Variants in SRPK2 observed in about 807,000 individuals in gnomAD.
The protein encoded by SRPK2 is SFRS protein kinase 2.
Under a neutral mutation model 90.8 loss-of-function variants are expected in SRPK2, and 21 were observed. The observed-to-expected ratio is 0.23, with a 90% confidence interval of 0.16 to 0.33. The LOEUF is 0.33. SRPK2 is among the 10% of genes least tolerant of loss of function. The pLI, the probability that SRPK2 is intolerant of heterozygous loss-of-function variation, is 1.00. For missense variants in SRPK2, 620 were observed against 869.0 expected, an observed-to-expected ratio of 0.71 and a Z score of 3.60; for synonymous variants, 288 against 311.1, an observed-to-expected ratio of 0.93 and a Z score of 0.78.
chr7:105,207,268 C>G (rs1389041218), intron 2 of SRPK2, among the ~76,000 whole-genome samples: 1 of 152,182 alleles, frequency 6.6e-6, no homozygotes, highest in Non-Finnish European at 1.5e-5. Context: ...TGGTGGGTAG[C>G]TAGGACTACA....
intron 2 of SRPK2, among the ~76,000 whole-genome samples, chr7:105,349,522 C>CAAAAAAAAAAAA (rs572686995): frequency 6.7e-5 from 6 of 88,948 alleles, no homozygotes; most frequent in African/African-American, 2.1e-4. Context: ...AACTCCATCT[C>CAAAAAAAAAAAA]AAAAAAAAAA....
At chr7:105,372,585 C>G (rs1585941339) in intron 2 of SRPK2, among the ~76,000 whole-genome samples, 2 of 152,288 alleles carry the variant, frequency 1.3e-5, no homozygotes, top group African/African-American at 4.8e-5. Flanking sequence ...TGAGCACTAA[C>G]TATTCACACA....
intron 2 of SRPK2, among the ~76,000 whole-genome samples, chr7:105,256,187 A>G (rs1018737035): frequency 1.3e-5 from 2 of 152,202 alleles, no homozygotes; most frequent in African/African-American, 4.8e-5. Context: ...AATCCCCTAC[A>G]ATAAGTCTGC....
At chr7:105,166,791 T>C (rs1790125268) in intron 6 of SRPK2, among the ~76,000 whole-genome samples, 1 of 152,166 alleles carries the variant, frequency 6.6e-6, no homozygotes, top group Non-Finnish European at 1.5e-5. Flanking sequence ...AAAACCAAAA[T>C]GTTTCCATAC....
chr7:105,382,164 T>C (rs1468043113), intron 2 of SRPK2, among the ~76,000 whole-genome samples: 1 of 14,730 alleles, frequency 6.8e-5, no homozygotes, highest in East Asian at 0.016. Flanking sequence ...CAAGATGCCA[T>C]CTCAAAAAAA....
At chr7:105,318,647 A>C (rs890205813) in intron 2 of SRPK2, among the ~76,000 whole-genome samples, 2 of 152,192 alleles carry the variant, frequency 1.3e-5, no homozygotes, top group African/African-American at 4.8e-5. Flanking sequence ...TTTCCGTCAC[A>C]CACTTAAGAG....
At chr7:105,234,501 G>A (rs980624211) in intron 2 of SRPK2, among the ~76,000 whole-genome samples, 1 of 152,028 alleles carries the variant, frequency 6.6e-6, no homozygotes, top group Non-Finnish European at 1.5e-5. Context: ...TGCTTACTAT[G>A]TGCCACTTCA....
intron 2 of SRPK2, among the ~76,000 whole-genome samples, chr7:105,357,600 C>T (rs73188303): frequency 0.17 from 25,399 of 151,658 alleles, 2,794 homozygotes; most frequent in East Asian, 0.58. Context: ...AAAAAATAGC[C>T]GGGTGCGGTG....
chr7:105,385,542 G>A (rs141778626), intron 2 of SRPK2, among the ~76,000 whole-genome samples: 7 of 152,134 alleles, frequency 4.6e-5, no homozygotes, highest in African/African-American at 1.7e-4. Context: ...AATGGCCTAC[G>A]AGGGTAGACA....
At chr7:105,337,128 G>A (rs1206815695) in intron 2 of SRPK2, among the ~76,000 whole-genome samples, 1 of 151,878 alleles carries the variant, frequency 6.6e-6, no homozygotes. Flanking sequence ...GAAAAATTAT[G>A]TTAATTTTGT....
At chr7:105,374,068 T>A (rs1050152400) in intron 2 of SRPK2, among the ~76,000 whole-genome samples, 1 of 152,050 alleles carries the variant, frequency 6.6e-6, no homozygotes, top group Non-Finnish European at 1.5e-5. Context: ...GCTGGGATTA[T>A]GGCACATGCC....
At chr7:105,199,805 T>C (rs996241061) in intron 3 of SRPK2, among the ~76,000 whole-genome samples, 3 of 151,788 alleles carry the variant, frequency 2.0e-5, no homozygotes, top group African/African-American at 7.3e-5. Flanking sequence ...TTTGTGTTCC[T>C]AGCTCTGTAC....
intron 2 of SRPK2, among the ~76,000 whole-genome samples, chr7:105,315,369 T>C (rs766297661): frequency 6.6e-6 from 1 of 152,208 alleles, no homozygotes; most frequent in Non-Finnish European, 1.5e-5. Flanking sequence ...GGGCAATTCA[T>C]TTAAGCTCTC....
intron 2 of SRPK2, among the ~76,000 whole-genome samples, chr7:105,226,101 C>T (rs1010250096): frequency 6.6e-6 from 1 of 152,014 alleles, no homozygotes; most frequent in Non-Finnish European, 1.5e-5. Flanking sequence ...GTCTAGGAAC[C>T]TAAAGACTTC....
intron 2 of SRPK2, among the ~76,000 whole-genome samples, chr7:105,344,857 C>A (rs1184616061): frequency 6.8e-6 from 1 of 146,428 alleles, no homozygotes; most frequent in East Asian, 2.0e-4. Context: ...AAAAAAAAGG[C>A]CAGGAGTAGT....
chr7:105,323,802 A>G (rs1204061), intron 2 of SRPK2, among the ~76,000 whole-genome samples: 87,298 of 152,032 alleles, frequency 0.57, 27,126 homozygotes, highest in East Asian at 0.93. Context: ...AGGACATGAC[A>G]CTCACATCTT....
intron 3 of SRPK2, among the ~76,000 whole-genome samples, chr7:105,195,550 C>T (rs1794814468): frequency 6.6e-6 from 1 of 152,206 alleles, no homozygotes; most frequent in Non-Finnish European, 1.5e-5. Context: ...CTTCTACCAT[C>T]AATTTTTAGT....
At chr7:105,326,039 T>C (rs1813549221) in intron 2 of SRPK2, among the ~76,000 whole-genome samples, 1 of 152,126 alleles carries the variant, frequency 6.6e-6, no homozygotes, top group Admixed American at 6.6e-5. Context: ...GGGACACGGG[T>C]CTGGTGCGGA....
At chr7:105,329,859 G>A (rs1022199725) in intron 2 of SRPK2, among the ~76,000 whole-genome samples, 5 of 150,762 alleles carry the variant, frequency 3.3e-5, no homozygotes, top group East Asian at 2.0e-4. Context: ...GTGAAACCCC[G>A]TCTCTACTAA....
Sources: gnomAD v4.1 joint callset for allele counts (sites outside exome capture counted in the v4.1 genomes callset) on GRCh38, gnomAD v4.1.1 for gene constraint, MANE v1.5 for transcripts, NCBI Gene and HGNC (gene_info 2026-07-23, HGNC 2026-07-21) for gene names.